SESTD1: variants seen among roughly 807,000 people sequenced by gnomAD.
The protein encoded by SESTD1 is SEC14 and spectrin domain containing 1, also known as SEC14 domain and spectrin repeat-containing protein 1.
A neutral mutation model predicts 101.7 loss-of-function variants in SESTD1; 43 were observed. The ratio of observed to expected loss-of-function variants is 0.42; its 90% CI spans 0.33 to 0.55. The LOEUF is 0.55. Among genes scored for constraint, SESTD1 ranks in the 20% least tolerant of loss-of-function variants. The pLI, the probability that SESTD1 is intolerant of heterozygous loss-of-function variation, is 0.07. For missense variants in SESTD1, 647 were observed against 815.1 expected (o/e 0.79, Z 2.51); for synonymous variants, 283 against 286.8 (o/e 0.99, Z 0.13).
intron 9 of SESTD1, among the ~76,000 whole-genome samples, chr2:179,134,131 G>A (rs943495210): frequency 6.6e-6 from 1 of 152,040 alleles, no homozygotes; most frequent in Admixed American, 6.5e-5. Context: ...TCTGCAGGGC[G>A]TCCTTGAACC....
chr2:179,243,708 G>A (rs139431106), intron 1 of SESTD1, among the ~76,000 whole-genome samples: 25 of 151,566 alleles, frequency 1.6e-4, no homozygotes, highest in African/African-American at 4.6e-4. Flanking sequence ...GCTAAACTAC[G>A]GGTACACATG....
chr2:179,105,059 C>T lies in SESTD1; in HGVS notation c.*4840G>A, dbSNP rs1307468036. ...CTCACGGAGTGTCCTTAGTTCTATG[C>T]CTCTATTACAGTATCAGTCGGCCAT... is the stretch of plus-strand genomic sequence containing the variant. On this transcript the variant is annotated 3_prime_UTR_variant, in exon 18 of 18. Transcript: ENST00000428443. The T allele has an allele frequency of 6.6e-6, 1 of 152,102 alleles. No individual in the cohort carries two copies. The highest frequency in any genetic ancestry group is 1.5e-5 in the Non-Finnish European group (1 of 68,020). The allele number at this position is 152,102 out of a possible 1,614,324, so 9.4% of individuals were successfully genotyped here. A position where few individuals can be genotyped will look rare whatever the true frequency, so the allele number is the denominator to read the frequency against.
chr2:179,175,521 T>C (rs2045996502), intron 4 of SESTD1, among the ~76,000 whole-genome samples: 1 of 152,168 alleles, frequency 6.6e-6, no homozygotes, highest in African/African-American at 2.4e-5. Context: ...ATGTTTCCCC[T>C]AGACTGGCCT....
At position 179,106,145 on chromosome 2, in the gene SESTD1, C is replaced by CT. The variant is rs1371548204; in HGVS notation, c.*3753dup. The CT allele has an allele frequency of 6.6e-6, 1 of 152,056 alleles. No homozygotes were observed. The highest frequency in any genetic ancestry group is 2.4e-5 in the African/African-American group (1 of 41,394). The allele number at this position is 152,056 out of a possible 1,614,324, so 9.4% of individuals were successfully genotyped here. On this transcript the variant is annotated 3_prime_UTR_variant, in exon 18 of 18. Transcript: ENST00000428443. ...CTATGTTCCAGCCATGTTTTTAATG[C>CT]TAGAGAATTTTTCCTTTGGGGGCTT...
chr2:179,185,432 T>C (rs905538961), intron 2 of SESTD1, among the ~76,000 whole-genome samples: 1 of 144,708 alleles, frequency 6.9e-6, no homozygotes, highest in African/African-American at 2.5e-5. Flanking sequence ...GTATATTCTA[T>C]ATTGTATAAT....
At chr2:179,244,396 C>T (rs578163801) in intron 1 of SESTD1, among the ~76,000 whole-genome samples, 6 of 151,446 alleles carry the variant, frequency 4.0e-5, no homozygotes, top group African/African-American at 7.3e-5. Flanking sequence ...GAGGTGGAGG[C>T]TGCAGTGAGC....
At chr2:179,239,392 G>GC (rs947106693) in intron 1 of SESTD1, among the ~76,000 whole-genome samples, 4 of 78,088 alleles carry the variant, frequency 5.1e-5, no homozygotes, top group East Asian at 2.5e-4. Flanking sequence ...GGAAGTACAA[G>GC]GTTTTTTTTT....
chr2:179,199,573 T>C lies in SESTD1; in HGVS notation c.-25-7707A>G, dbSNP rs1425712212. Among the ~76,000 whole-genome samples, 38 of 152,168 alleles carry C rather than the reference T, an allele frequency of 2.5e-4. 1 individual carries two copies. In the South Asian group the frequency reaches 5.4e-3, roughly 22 times the overall value. ...AATCCTCAATAAAATACTGGCAAAC[T>C]GAATCCAGCAGCACATCAAAAAGCT... is the stretch of plus-strand genomic sequence containing the variant. On this transcript the variant is annotated intron_variant, in intron 1 of 17. Transcript: ENST00000428443.
intron 13 of SESTD1, among the ~76,000 whole-genome samples, chr2:179,118,845 G>A (rs6743405): frequency 0.46 from 69,506 of 151,980 alleles, 18,934 homozygotes; most frequent in African/African-American, 0.77. Flanking sequence ...AATGTTTTAT[G>A]AGAGTAGGGA....
chr2:179,172,024 A>G, intron 5 of SESTD1, 96 bp downstream of exon 5: 1 of 693,764 alleles, frequency 1.4e-6, no homozygotes, highest in Non-Finnish European at 2.4e-6. Flanking sequence ...TTCCTTAAGC[A>G]CTGCTTAGTA....
rs576200099 is a variant in SESTD1, at chr2:179,199,882, T to A, written c.-25-8016A>T. 3.7e-3 allele frequency among the ~76,000 whole-genome samples: 564 copies of A among 152,294 alleles called. 6 individuals are homozygous for A. Among genetic ancestry groups the A allele is most frequent in the African/African-American group, 0.013 (532 of 41,550 alleles). On this transcript the variant is annotated intron_variant, in intron 1 of 17. Transcript: ENST00000428443. ...ACTGGCACAAGACAGAGATGCCCTC[T>A]CTCACCACTCCTATTCAACATAGTG...
At chr2:179,215,730 C>T (rs771654080) in intron 1 of SESTD1, among the ~76,000 whole-genome samples, 2 of 134,712 alleles carry the variant, frequency 1.5e-5, no homozygotes, top group Non-Finnish European at 3.2e-5. Context: ...AACACTGATG[C>T]GAAAATCCTC....
chr2:179,174,580 T>C (rs2045978189), intron 4 of SESTD1: 7 of 383,838 alleles, frequency 1.8e-5, no homozygotes, highest in Non-Finnish European at 5.2e-6. Flanking sequence ...AGGCTTGAAA[T>C]ATAAAAGTGC....
intron 1 of SESTD1, among the ~76,000 whole-genome samples, chr2:179,237,926 A>C (rs577962415): frequency 6.6e-6 from 1 of 152,276 alleles, no homozygotes; most frequent in Admixed American, 6.5e-5. Context: ...GATTATGGGC[A>C]CCTGCCCTCC....
At chr2:179,260,908 T>C (rs1419387148) in intron 1 of SESTD1, among the ~76,000 whole-genome samples, 3 of 152,172 alleles carry the variant, frequency 2.0e-5, no homozygotes, top group Non-Finnish European at 4.4e-5. Context: ...AATGCAAAGA[T>C]ACAGGTTTGG....
chr2:179,188,274 A>C lies in SESTD1; in HGVS notation c.55+3513T>G, dbSNP rs548637935. The stretch of plus-strand genomic sequence containing the variant: ...ACAGAAATAGAAATCAATACCAAGA[A>C]GATCTCTCAAAACCACACAATTACA... On this transcript the variant is annotated intron_variant, in intron 2 of 17. Coordinates refer to ENST00000428443, the MANE Select transcript of SESTD1 (RefSeq NM_178123.5). Among the ~76,000 whole-genome samples the C allele has an allele frequency of 7.9e-5, 12 of 152,358 alleles. No homozygotes were observed. In the East Asian group the frequency reaches 1.9e-3, roughly 24 times the overall value.
chr2:179,130,999 A>G (rs2044999599), intron 10 of SESTD1, among the ~76,000 whole-genome samples: 1 of 149,744 alleles, frequency 6.7e-6, no homozygotes, highest in African/African-American at 2.6e-5. Flanking sequence ...GCATAAAATA[A>G]ATCGATTTTC....
chr2:179,259,289 T>C (rs1037768707), intron 1 of SESTD1, among the ~76,000 whole-genome samples: 6 of 152,188 alleles, frequency 3.9e-5, no homozygotes, highest in African/African-American at 1.4e-4. Context: ...TGGAGTGCAG[T>C]GGCGCGATCT....
chr2:179,173,258 A>C (rs2045956054), intron 4 of SESTD1, among the ~76,000 whole-genome samples: 1 of 152,130 alleles, frequency 6.6e-6, no homozygotes. Context: ...TACCCTACCT[A>C]AAGTGGCATC....
Sources: allele counts gnomAD v4.1 joint callset (sites outside exome capture counted in the v4.1 genomes callset), GRCh38; gene constraint gnomAD v4.1.1; transcripts MANE v1.5; gene names NCBI Gene and HGNC (gene_info 2026-07-23, HGNC 2026-07-21).